Variants in NALCN observed in about 807,000 individuals in gnomAD.
NALCN encodes sodium leak channel NALCN.
A neutral mutation model predicts 225.3 loss-of-function variants in NALCN; 111 were observed. The ratio of observed to expected loss-of-function variants is 0.49; its 90% CI spans 0.42 to 0.58. NALCN has a LOEUF of 0.58. Ranked by LOEUF, NALCN falls within the 20% of genes least tolerant of loss-of-function variation. NALCN has a pLI of 0.00. For synonymous variants in NALCN, 764 were observed against 769.0 expected (o/e 0.99, Z 0.11); for missense variants, 1,378 against 2,202.4 (o/e 0.63, Z 7.49).
At chr13:101,326,147 T>C (rs894654022) in intron 7 of NALCN, among the ~76,000 whole-genome samples, 2 of 152,158 alleles carry the variant, frequency 1.3e-5, no homozygotes, top group African/African-American at 4.8e-5. Flanking sequence ...CAATTGGAGT[T>C]CTAAAACTTG....
At position 101,074,500 on chromosome 13, in the gene NALCN, A is replaced by G. The variant is rs2033119384; in HGVS notation, c.4103+14T>C. On this transcript the variant is annotated intron_variant, in intron 36 of 43. Coordinates refer to ENST00000251127, the MANE Select transcript of NALCN (RefSeq NM_052867.4). ...TTGCTTGATAAATGAATAGAAAGAT[A>G]AGTATATACCAACCTGTTAATATTC... 1 of 1,564,140 alleles carries G rather than the reference A, an allele frequency of 6.4e-7. No homozygotes were observed.
intron 10 of NALCN, among the ~76,000 whole-genome samples, chr13:101,275,139 T>C (rs1225446804): frequency 6.6e-6 from 1 of 152,192 alleles, no homozygotes; most frequent in East Asian, 1.9e-4. Context: ...CCACGCAACT[T>C]CATTTTTTCC....
At chr13:101,247,972 C>A (rs1436131690) in intron 11 of NALCN, among the ~76,000 whole-genome samples, 1 of 152,140 alleles carries the variant, frequency 6.6e-6, no homozygotes, top group African/African-American at 2.4e-5. Flanking sequence ...CCGATCTATC[C>A]ATGTCCCTGC....
intron 10 of NALCN, among the ~76,000 whole-genome samples, chr13:101,272,808 G>T (rs2042840708): frequency 6.6e-6 from 1 of 152,146 alleles, no homozygotes; most frequent in Non-Finnish European, 1.5e-5. Context: ...GAAATGATCT[G>T]CCAGTTTGTG....
intron 3 of NALCN, among the ~76,000 whole-genome samples, chr13:101,379,055 C>G (rs1024237617): frequency 6.6e-6 from 1 of 151,798 alleles, no homozygotes; most frequent in African/African-American, 2.4e-5. Context: ...GGTTTAGCAC[C>G]GTTAGTAGGA....
At chr13:101,151,555 C>T (rs1399008637) in intron 15 of NALCN, among the ~76,000 whole-genome samples, 3 of 152,016 alleles carry the variant, frequency 2.0e-5, no homozygotes, top group Non-Finnish European at 4.4e-5. Flanking sequence ...GGAAAAATAA[C>T]CACATTATCT....
intron 7 of NALCN, among the ~76,000 whole-genome samples, chr13:101,328,668 C>T (rs1424553825): frequency 6.6e-6 from 1 of 151,936 alleles, no homozygotes; most frequent in Non-Finnish European, 1.5e-5. Context: ...AATTATGTAT[C>T]TAGTAAAGAT....
intron 9 of NALCN, among the ~76,000 whole-genome samples, chr13:101,286,689 A>C (rs776582065): frequency 6.6e-6 from 1 of 152,122 alleles, no homozygotes; most frequent in African/African-American, 2.4e-5. Flanking sequence ...TTCTGTTAGA[A>C]TGTCCATTAA....
chr13:101,353,994 G>A (rs1420515536), intron 6 of NALCN, among the ~76,000 whole-genome samples: 9 of 152,146 alleles, frequency 5.9e-5, no homozygotes, highest in African/African-American at 1.9e-4. Flanking sequence ...GAAGCCAGAA[G>A]ACTGCAGTTG....
chr13:101,062,791 C>T (rs146053231), intron 40 of NALCN, among the ~76,000 whole-genome samples: 2,123 of 152,036 alleles, frequency 0.014, 51 homozygotes, highest in African/African-American at 0.049. Context: ...TTAGTAGAGA[C>T]GAGTTTTCAC....
intron 42 of NALCN, chr13:101,058,761 ACTGT>A (rs1193946539): frequency 6.7e-6 from 1 of 149,314 alleles, no homozygotes; most frequent in Non-Finnish European, 1.5e-5. Context: ...GCCCTGTCTC[ACTGT>A]CTGTCCTGAC....
At chr13:101,110,526 G>A in intron 20 of NALCN, 93 bp downstream of exon 20, 1 of 1,330,400 alleles carries the variant, frequency 7.5e-7, no homozygotes. Context: ...ACATGGGAAT[G>A]CAGCAGAAAG....
At chr13:101,304,869 C>T (rs539496114) in intron 7 of NALCN, among the ~76,000 whole-genome samples, 27 of 150,828 alleles carry the variant, frequency 1.8e-4, no homozygotes, top group African/African-American at 6.6e-4. Context: ...GATTCTCCTG[C>T]CTCAGCCTCC....
Position 101,144,909 on chromosome 13 carries a change from T to C in NALCN, c.1840-13A>G. On this transcript the variant is annotated splice_polypyrimidine_tract_variant and intron_variant, in intron 15 of 43. Transcript: ENST00000251127. Reference sequence around the variant, plus strand: ...CACTTTGCTTTAACTAAAGAAAAATTGGAAAGAAGAAAAAAAGGGGGAACC... The same window carrying C: ...CACTTTGCTTTAACTAAAGAAAAATCGGAAAGAAGAAAAAAAGGGGGAACC... 1 of 1,594,246 alleles carries C rather than the reference T, an allele frequency of 6.3e-7. No homozygotes were observed. Among genetic ancestry groups the C allele is most frequent in the South Asian group, 1.2e-5 (1 of 86,636 alleles).
Position 101,100,873 on chromosome 13 carries a change from G to T in NALCN, c.3073C>A (p.Leu1025Met). The change falls in exon 27 of 44, where the codon CTG (leucine) becomes ATG (methionine). Residue 1025 changes from leucine to methionine, a missense_variant. Leu to Met is a conservative substitution (Grantham distance 15). Coordinates refer to ENST00000251127, the MANE Select transcript of NALCN (RefSeq NM_052867.4). ...KEIFLVSILLLTLMLVFASFG... is the reference protein window; with the variant it reads ...KEIFLVSILLMTLMLVFASFG... ...CTTGCAAAAACGAGCATTAATGTCA[G>T]CAAAAGAATGGAGACCTGAAAGAAA... 1 of 1,605,466 alleles carries T rather than the reference G, an allele frequency of 6.2e-7. No individual in the cohort carries two copies. Among genetic ancestry groups the T allele is most frequent in the Non-Finnish European group, 8.5e-7 (1 of 1,176,956 alleles).
At chr13:101,409,983 G>A (rs1018473355) in intron 1 of NALCN, among the ~76,000 whole-genome samples, 3 of 152,162 alleles carry the variant, frequency 2.0e-5, no homozygotes, top group Admixed American at 2.0e-4. Flanking sequence ...CCCCATGAAT[G>A]GGACTAGCGA....
chr13:101,182,216 G>T (rs2139967336), intron 14 of NALCN, among the ~76,000 whole-genome samples: 1 of 151,710 alleles, frequency 6.6e-6, no homozygotes, highest in South Asian at 2.1e-4. Context: ...TTTTTCCTTG[G>T]GATAAACAGA....
At chr13:101,133,290 TAAC>T in intron 17 of NALCN, among the ~76,000 whole-genome samples, 1 of 152,316 alleles carries the variant, frequency 6.6e-6, no homozygotes, top group Middle Eastern at 3.4e-3. Flanking sequence ...TTTACAATGT[TAAC>T]AATACATTTC....
At chr13:101,187,515 A>T (rs1023307661) in intron 14 of NALCN, among the ~76,000 whole-genome samples, 6 of 152,254 alleles carry the variant, frequency 3.9e-5, no homozygotes, top group Admixed American at 2.0e-4. Flanking sequence ...TAGTCAAGAG[A>T]TTAATATCCA....
Sources: gnomAD v4.1 joint callset for allele counts (sites outside exome capture counted in the v4.1 genomes callset) on GRCh38, gnomAD v4.1.1 for gene constraint, MANE v1.5 for transcripts, NCBI Gene and HGNC (gene_info 2026-07-23, HGNC 2026-07-21) for gene names.